ARSJ: variants seen among roughly 807,000 people sequenced by gnomAD.
ARSJ encodes the protein arylsulfatase family member J.
ARSJ carries 26 observed loss-of-function variants against 35.9 expected under a neutral mutation model. That is an observed-to-expected ratio of 0.72 (90% confidence interval 0.53 to 1.00). ARSJ has a LOEUF of 1.00. Ranked by LOEUF, ARSJ falls within the 50% of genes least tolerant of loss-of-function variation. The pLI is 0.00. For synonymous variants in ARSJ, 294 were observed against 267.6 expected, an observed-to-expected ratio of 1.10 and a Z score of -0.96; for missense variants, 667 against 723.6, an observed-to-expected ratio of 0.92 and a Z score of 0.90.
chr4:113,904,680 G>C (rs2099668211), intron 1 of ARSJ, among the ~76,000 whole-genome samples: 1 of 151,984 alleles, frequency 6.6e-6, no homozygotes, highest in African/African-American at 2.4e-5. Context: ...AATTAGAGAC[G>C]GGGTTTCACC....
intron 1 of ARSJ, among the ~76,000 whole-genome samples, chr4:113,936,716 G>A (rs1724789987): frequency 6.6e-6 from 1 of 151,616 alleles, no homozygotes; most frequent in Admixed American, 6.6e-5. Flanking sequence ...TAATTGGAAG[G>A]GCACTGTCAT....
chr4:113,979,094 T>G lies in ARSJ; in HGVS notation c.-260A>C. ...CCTCCTCCCCCCTCCCTAGAGCAGC[T>G]TCCACCAAGGAAAAAAAAAAGAAAA... is the stretch of plus-strand genomic sequence containing the variant. On this transcript the variant is annotated 5_prime_UTR_variant, in exon 1 of 2. Coordinates refer to ENST00000315366, the MANE Select transcript of ARSJ (RefSeq NM_024590.4). 2.7e-6 allele frequency: 1 copy of G among 372,546 alleles called. No homozygotes were observed. 23.1% of individuals were successfully genotyped at this position (372,546 alleles called of 1,614,324 possible).
intron 1 of ARSJ, among the ~76,000 whole-genome samples, chr4:113,940,554 T>G (rs1322756207): frequency 6.6e-6 from 1 of 151,644 alleles, no homozygotes; most frequent in Non-Finnish European, 1.5e-5. Flanking sequence ...GGCTTAATAT[T>G]TAGGTGATGG....
At position 113,978,545 on chromosome 4, in the gene ARSJ, T is replaced by C; in HGVS notation, c.290A>G (p.Glu97Gly). ...GFRDVGYHGS[E>G]IKTPTLDKLA... ...CTTGTCAAGAGTAGGTGTTTTAATC[T>C]CAGATCCGTGGTAACCCACATCTCT... Residue 97 changes from glutamate (E) to glycine (G), a missense_variant, in exon 1 of 2, where the codon GAG (glutamate) becomes GGG (glycine). By Grantham distance (98) the Glu-to-Gly change is moderately conservative. Transcript: ENST00000315366. 6.2e-7 allele frequency: 1 copy of C among 1,614,240 alleles called. No individual in the cohort carries two copies. Among genetic ancestry groups the C allele is most frequent in the Non-Finnish European group, 8.5e-7 (1 of 1,180,032 alleles).
At position 113,905,660 on chromosome 4, in the gene ARSJ, ATTTTT is replaced by A. The variant is rs766150372; in HGVS notation, c.399-1990_399-1986del. On this transcript the variant is annotated intron_variant, in intron 1 of 1. Transcript: ENST00000315366. ...GAAGGCATTGTTACTGTTCTTGATA[ATTTTT>A]TTTTTTTTTTTTTTTTTTTTTTTAG... Among the ~76,000 whole-genome samples, 174 of 81,848 alleles carry A rather than the reference ATTTTT, an allele frequency of 2.1e-3. 10 individuals carry two copies. The South Asian group carries it at 0.07, about 33-fold the overall frequency. 53.7% of individuals were successfully genotyped at this position (81,848 alleles called of 152,430 possible).
intron 1 of ARSJ, among the ~76,000 whole-genome samples, chr4:113,912,477 T>C (rs977071553): frequency 1.8e-4 from 28 of 152,182 alleles, no homozygotes; most frequent in Admixed American, 1.4e-3. Context: ...ATGGTAAGCA[T>C]ACACTATTTC....
chr4:113,978,901 A>G lies in ARSJ; in HGVS notation c.-67T>C. On this transcript the variant is annotated 5_prime_UTR_variant, in exon 1 of 2. It removes an upstream start codon present in the reference 5' UTR. Coordinates refer to ENST00000315366, the MANE Select transcript of ARSJ (RefSeq NM_024590.4). ...GCCCCGCGCCGCTGCGGGCGCACAC[A>G]TGCACCCAACAGACGGTGAAGACTC... 6.7e-7 allele frequency: 1 copy of G among 1,483,250 alleles called. No individual in the cohort carries two copies. Among genetic ancestry groups the G allele is most frequent in the Non-Finnish European group, 9.0e-7 (1 of 1,105,558 alleles). The allele number at this position is 1,483,250 out of a possible 1,614,324, so 91.9% of individuals were successfully genotyped here. A position where few individuals can be genotyped will look rare whatever the true frequency, so the allele number is the denominator to read the frequency against.
Position 113,902,508 on chromosome 4 carries a change from C to T in ARSJ, c.1566G>A (p.Arg522=). The change falls in exon 2 of 2, where the codon AGG becomes AGA. Residue 522 remains arginine (R), a synonymous_variant. Coordinates refer to ENST00000315366, the MANE Select transcript of ARSJ (RefSeq NM_024590.4). ...YPGIVKKLLR[R]LSQFNKTAVP... ...CTGCAGTTTTGTTGAACTGTGAGAG[C>T]CTCCGTAGGAGCTTCTTCACGATTC... The T allele has an allele frequency of 6.2e-7, 1 of 1,614,132 alleles. No homozygotes were observed.
In ARSJ at chr4:113,902,671, G is replaced by T; in HGVS notation, c.1403C>A (p.Pro468His). The T allele has an allele frequency of 6.2e-7, 1 of 1,614,164 alleles. No homozygotes were observed. The highest frequency in any genetic ancestry group is 8.5e-7 in the Non-Finnish European group (1 of 1,180,026). The change falls in exon 2 of 2, where the codon CCC becomes CAC. Residue 468 changes from proline to histidine, a missense_variant. Pro to His is a moderately conservative substitution (Grantham distance 77, BLOSUM62 -2). Transcript: ENST00000315366. ...TGNPGYSDWV[P>H]PQSFSNLGPN... ...TCCCAGGTTGCTGAAAGACTGAGGGGGGACCCAGTCGCTGTAGCCAGGATT... is the reference window on the plus strand; with the variant it reads ...TCCCAGGTTGCTGAAAGACTGAGGGTGGACCCAGTCGCTGTAGCCAGGATT...
intron 1 of ARSJ, among the ~76,000 whole-genome samples, chr4:113,926,345 G>A (rs962887778): frequency 6.6e-6 from 1 of 152,126 alleles, no homozygotes; most frequent in Non-Finnish European, 1.5e-5. Context: ...ACAACCAGGT[G>A]CACTCCTCAA....
intron 1 of ARSJ, among the ~76,000 whole-genome samples, chr4:113,950,392 A>C (rs1045015855): frequency 6.6e-6 from 1 of 152,050 alleles, no homozygotes; most frequent in African/African-American, 2.4e-5. Context: ...AGCATAGCAG[A>C]TGTAGGAAGC....
intron 1 of ARSJ, among the ~76,000 whole-genome samples, chr4:113,924,712 A>T (rs1477829449): frequency 1.3e-5 from 2 of 152,206 alleles, no homozygotes; most frequent in East Asian, 3.9e-4. Context: ...ATCTTATGGC[A>T]TATGATAAAG....
chr4:113,938,026 G>A (rs554982270), intron 1 of ARSJ, among the ~76,000 whole-genome samples: 3 of 152,000 alleles, frequency 2.0e-5, no homozygotes, highest in Non-Finnish European at 4.4e-5. Flanking sequence ...CAGAGAATTA[G>A]AAAAAAACTA....
chr4:113,964,831 C>A (rs1186019390), intron 1 of ARSJ, among the ~76,000 whole-genome samples: 1 of 151,950 alleles, frequency 6.6e-6, no homozygotes, highest in Non-Finnish European at 1.5e-5. Context: ...TAGGGTAGGA[C>A]CAGAGGCATA....
intron 1 of ARSJ, among the ~76,000 whole-genome samples, chr4:113,965,452 C>T (rs1726832344): frequency 6.6e-6 from 1 of 152,132 alleles, no homozygotes; most frequent in Non-Finnish European, 1.5e-5. Flanking sequence ...TCATTACTTA[C>T]ATCTTGGCCA....
At chr4:113,929,455 A>G (rs1242833016) in intron 1 of ARSJ, among the ~76,000 whole-genome samples, 2 of 152,106 alleles carry the variant, frequency 1.3e-5, no homozygotes, top group Non-Finnish European at 1.5e-5. Flanking sequence ...TGTTGCCACT[A>G]CTGGGGATGG....
chr4:113,941,187 A>T lies in ARSJ; in HGVS notation c.398+37250T>A, dbSNP rs78548683. Among the ~76,000 whole-genome samples, 1,049 of 152,136 alleles carry T rather than the reference A, an allele frequency of 6.9e-3. 6 individuals are homozygous for T. Among genetic ancestry groups the T allele is most frequent in the Non-Finnish European group, 0.012 (807 of 67,946 alleles). ...AACGTGATATGTGCAGCAACATGAG[A>T]ACACACTCCATATTCTGAAAATACA... On this transcript the variant is annotated intron_variant, in intron 1 of 1. Transcript: ENST00000315366.
chr4:113,967,641 C>CT (rs1726979540), intron 1 of ARSJ, among the ~76,000 whole-genome samples: 1 of 152,108 alleles, frequency 6.6e-6, no homozygotes, highest in South Asian at 2.1e-4. Context: ...AAAATAACTG[C>CT]TTTCTCTGAA....
intron 1 of ARSJ, among the ~76,000 whole-genome samples, chr4:113,939,859 C>T (rs578016017): frequency 2.0e-5 from 3 of 152,088 alleles, no homozygotes; most frequent in African/African-American, 7.2e-5. Context: ...AATTTTCTCC[C>T]ATTTTGTAGG....
Sources: gnomAD v4.1 joint callset for allele counts (sites outside exome capture counted in the v4.1 genomes callset) on GRCh38, gnomAD v4.1.1 for gene constraint, MANE v1.5 for transcripts, NCBI Gene and HGNC (gene_info 2026-07-23, HGNC 2026-07-21) for gene names.